Variants in SLC15A2 observed in about 807,000 individuals in gnomAD.
SLC15A2 encodes the protein solute carrier family 15 member 2.
Under a neutral mutation model 95.5 loss-of-function variants are expected in SLC15A2, and 77 were observed. The observed-to-expected ratio is 0.81, with a 90% CI of 0.67 to 0.97. The LOEUF (loss-of-function observed/expected upper bound fraction) is 0.97, where lower values mean the gene tolerates loss of function less well. SLC15A2 is among the 50% of genes least tolerant of loss of function. The pLI, the probability that SLC15A2 is intolerant of heterozygous loss-of-function variation, is 0.00. For synonymous variants in SLC15A2, 306 were observed against 306.9 expected, an observed-to-expected ratio of 1.00 and a Z score of 0.03; for missense variants, 893 against 874.4, an observed-to-expected ratio of 1.02 and a Z score of -0.27.
chr3:121,908,999 C>T (rs1709709204), intron 3 of SLC15A2, among the ~76,000 whole-genome samples: 1 of 151,718 alleles, frequency 6.6e-6, no homozygotes, highest in South Asian at 2.1e-4. Flanking sequence ...ATAGCAAGAC[C>T]CCATCTCTAC....
intron 19 of SLC15A2, among the ~76,000 whole-genome samples, chr3:121,938,424 G>T (rs1040383161): frequency 5.9e-5 from 9 of 152,204 alleles, no homozygotes; most frequent in Non-Finnish European, 2.9e-5. Context: ...AGACTCCGTG[G>T]GCGTAGGACC....
intron 3 of SLC15A2, among the ~76,000 whole-genome samples, chr3:121,901,940 C>A (rs2141615): frequency 6.6e-6 from 1 of 151,882 alleles, no homozygotes; most frequent in Non-Finnish European, 1.5e-5. Context: ...ATTGTTCAAA[C>A]CCTGAAGGGG....
chr3:121,922,948 C>T (rs1646689852), intron 9 of SLC15A2, 87 bp downstream of exon 9: 2 of 1,535,882 alleles, frequency 1.3e-6, no homozygotes, highest in Non-Finnish European at 1.8e-6. Context: ...ATTCAACCTC[C>T]TCTCTACTGT....
rs548298910 is a variant in SLC15A2, at chr3:121,902,206, A to G, written c.335+4677A>G. ...CTCAAGGATGCTATTTGTAGTGTCA[A>G]GTTGGTTTTAAGAAAGGAAAACATT... On this transcript the variant is annotated intron_variant, in intron 3 of 21. Coordinates refer to ENST00000489711, the MANE Select transcript of SLC15A2 (RefSeq NM_021082.4). Among the ~76,000 whole-genome samples the G allele has an allele frequency of 2.0e-5, 3 of 152,294 alleles. No homozygotes were observed. In the South Asian group the frequency reaches 6.2e-4, roughly 32 times the overall value.
chr3:121,931,811 A>C (rs1389884086), intron 19 of SLC15A2, 76 bp downstream of exon 19: 2 of 831,516 alleles, frequency 2.4e-6, no homozygotes, highest in East Asian at 5.1e-5. Context: ...GCAGGGGCAG[A>C]AAACAAAAGA....
chr3:121,904,496 A>T (rs975517672), intron 3 of SLC15A2, among the ~76,000 whole-genome samples: 3 of 152,144 alleles, frequency 2.0e-5, no homozygotes, highest in Non-Finnish European at 1.5e-5. Context: ...TTTGTCATAG[A>T]TAGCTCTTAT....
intron 13 of SLC15A2, 70 bp downstream of exon 13, chr3:121,925,103 C>A: frequency 9.4e-7 from 1 of 1,062,150 alleles, no homozygotes; most frequent in Non-Finnish European, 1.5e-6. Context: ...GAAAAAGATT[C>A]AATGTCAGTA....
chr3:121,902,786 T>C (rs1709545204), intron 3 of SLC15A2, among the ~76,000 whole-genome samples: 1 of 152,226 alleles, frequency 6.6e-6, no homozygotes, highest in Non-Finnish European at 1.5e-5. Context: ...TGGTTGCAAG[T>C]TTTTGCTATT....
At chr3:121,919,270 T>C (rs1373078539) in intron 7 of SLC15A2, among the ~76,000 whole-genome samples, 1 of 151,934 alleles carries the variant, frequency 6.6e-6, no homozygotes, top group Non-Finnish European at 1.5e-5. Flanking sequence ...TGCCCAGGGG[T>C]GTCACAGCCC....
At chr3:121,915,175 G>A (rs1048006283) in intron 5 of SLC15A2, 52 bp from the exon 6 acceptor site, 2 of 1,395,786 alleles carry the variant, frequency 1.4e-6, no homozygotes, top group African/African-American at 1.4e-5. Context: ...ACGTGGAGTG[G>A]GGCTGGAGCT....
chr3:121,932,676 G>C lies in SLC15A2; in HGVS notation c.1761+941G>C, dbSNP rs185521030. Among the ~76,000 whole-genome samples the C allele has an allele frequency of 2.6e-5, 4 of 152,274 alleles. No individual in the cohort carries two copies. The East Asian group carries it at 7.7e-4, about 29-fold the overall frequency. ...ATAAAAAAAAGAGAGAACATTTCTA[G>C]AGGTTTGATGAGAACCCAATCTACA... On this transcript the variant is annotated intron_variant, in intron 19 of 21. Transcript: ENST00000489711.
Position 121,939,491 on chromosome 3 carries a change from C to A in SLC15A2, c.1904C>A (p.Ser635Tyr). The change falls in exon 20 of 22, where the codon TCT becomes TAT. Residue 635 changes from serine (S) to tyrosine (Y), a missense_variant. Coordinates refer to ENST00000489711, the MANE Select transcript of SLC15A2 (RefSeq NM_021082.4). ...FSVTGLEFSYSQAPSSMKSVL... is the reference protein window; with the variant it reads ...FSVTGLEFSYYQAPSSMKSVL... ...GTCACAGGTCTTGAGTTTTCTTATT[C>A]TCAGGTAAGTTTTTGCAAATAGAAG... is the stretch of plus-strand genomic sequence containing the variant. 1.3e-6 allele frequency: 2 copies of A among 1,497,634 alleles called. No homozygotes were observed. The highest frequency in any genetic ancestry group is 8.9e-7 in the Non-Finnish European group (1 of 1,123,492). 92.8% of individuals were successfully genotyped at this position (1,497,634 alleles called of 1,614,324 possible).
intron 13 of SLC15A2, among the ~76,000 whole-genome samples, chr3:121,925,781 T>TAA (rs200367167): frequency 1.3e-4 from 5 of 39,428 alleles, no homozygotes; most frequent in East Asian, 1.3e-3. Flanking sequence ...TATATATATA[T>TAA]AAAATACAAC....
chr3:121,939,211 G>A lies in SLC15A2; in HGVS notation c.1762-138G>A, dbSNP rs980174663. 7 of 654,716 alleles carry A rather than the reference G, an allele frequency of 1.1e-5. No individual in the cohort carries two copies. In the African/African-American group the frequency reaches 1.1e-4, roughly 11 times the overall value. The allele number at this position is 654,716 out of a possible 1,614,324, so 40.6% of individuals were successfully genotyped here. A position where few individuals can be genotyped will look rare whatever the true frequency, so the allele number is the denominator to read the frequency against. ...AGAAGTTTTGAAAAGCTGGAATTGT[G>A]TAGAAATGCTCAATTTCCTGAAAAT... On this transcript the variant is annotated intron_variant, in intron 19 of 21. Transcript: ENST00000489711.
chr3:121,929,166 G>A lies in SLC15A2; in HGVS notation c.1506+20G>A, dbSNP rs367968008. On this transcript the variant is annotated intron_variant, in intron 16 of 21. Coordinates refer to ENST00000489711, the MANE Select transcript of SLC15A2 (RefSeq NM_021082.4). ...ATGATGGTAATTTGAGGAATTGCCT[G>A]TGTTTTCAGTTGTCATCTCAAAGTA... 4 of 1,607,000 alleles carry A rather than the reference G, an allele frequency of 2.5e-6. No individual in the cohort carries two copies. The highest frequency in any genetic ancestry group is 1.7e-5 in the Admixed American group (1 of 59,588).
At chr3:121,917,552 A>G (rs1228860221) in intron 7 of SLC15A2, among the ~76,000 whole-genome samples, 1 of 152,042 alleles carries the variant, frequency 6.6e-6, no homozygotes, top group African/African-American at 2.4e-5. Flanking sequence ...GCCGAGTATG[A>G]TGGCGCACAC....
At chr3:121,910,681 T>C (rs1709748064) in intron 3 of SLC15A2, among the ~76,000 whole-genome samples, 1 of 152,162 alleles carries the variant, frequency 6.6e-6, no homozygotes, top group African/African-American at 2.4e-5. Flanking sequence ...ACCTTAAAAA[T>C]TGCAGGTGTA....
intron 7 of SLC15A2, among the ~76,000 whole-genome samples, chr3:121,920,348 T>C (rs1399502252): frequency 2.6e-5 from 4 of 151,974 alleles, no homozygotes; most frequent in African/African-American, 4.8e-5. Flanking sequence ...CAGGCTGGAG[T>C]GTGGTGGCGC....
At chr3:121,940,720 T>C in intron 21 of SLC15A2, 111 bp from the exon 22 acceptor site, 1 of 1,176,904 alleles carries the variant, frequency 8.5e-7, no homozygotes, top group Non-Finnish European at 1.2e-6. Context: ...CCAGCAAAAG[T>C]CTGGTTAAAC....
Sources: gnomAD v4.1 joint callset for allele counts (sites outside exome capture counted in the v4.1 genomes callset) on GRCh38, gnomAD v4.1.1 for gene constraint, MANE v1.5 for transcripts, NCBI Gene and HGNC (gene_info 2026-07-23, HGNC 2026-07-21) for gene names.